MDGA2: variants seen among roughly 807,000 people sequenced by gnomAD.
The protein encoded by MDGA2 is MAM domain-containing glycosylphosphatidylinositol anchor protein 2.
MDGA2 carries 40 observed loss-of-function variants against 117.8 expected under a neutral mutation model. The observed-to-expected ratio is 0.34, with a 90% CI of 0.26 to 0.44. The LOEUF (loss-of-function observed/expected upper bound fraction) is 0.44, where lower values mean the gene tolerates loss of function less well. Among genes scored for constraint, MDGA2 ranks in the 20% least tolerant of loss-of-function variants. The pLI is 1.00. For synonymous variants in MDGA2, 452 were observed against 439.0 expected (o/e 1.03, Z -0.37); for missense variants, 1,123 against 1,250.6 (o/e 0.90, Z 1.54).
At chr14:47,039,469 TC>T (rs1888984132) in intron 7 of MDGA2, among the ~76,000 whole-genome samples, 2 of 152,214 alleles carry the variant, frequency 1.3e-5, no homozygotes, top group Admixed American at 1.3e-4. Flanking sequence ...GTAGAAGTCA[TC>T]ATTTTATCTT....
At chr14:47,456,980 G>T (rs555574292) in intron 1 of MDGA2, among the ~76,000 whole-genome samples, 1 of 151,890 alleles carries the variant, frequency 6.6e-6, no homozygotes, top group African/African-American at 2.4e-5. Flanking sequence ...AGTATAATAA[G>T]ATCTTTAGAA....
At chr14:46,933,833 T>C (rs1884676278) in intron 9 of MDGA2, among the ~76,000 whole-genome samples, 1 of 65,940 alleles carries the variant, frequency 1.5e-5, no homozygotes, top group South Asian at 8.2e-4. Flanking sequence ...TATATATATA[T>C]ATATATATAT....
At chr14:47,625,238 C>G (rs919106581) in intron 1 of MDGA2, among the ~76,000 whole-genome samples, 4 of 151,654 alleles carry the variant, frequency 2.6e-5, no homozygotes, top group African/African-American at 9.7e-5. Context: ...AAAAGTTGGT[C>G]AAACTTCTTA....
chr14:47,150,477 G>A (rs887913607), intron 3 of MDGA2, among the ~76,000 whole-genome samples: 4 of 152,100 alleles, frequency 2.6e-5, no homozygotes, highest in Non-Finnish European at 4.4e-5. Flanking sequence ...AAGGAACCCA[G>A]CAGAACCTGA....
rs545113177 is a variant in MDGA2 at position 47,146,477 on chromosome 14, C to T, written c.596-2203G>A. ...AAGTTCGGATATTTAGGGATACCAG[C>T]ATCATTATCATAAAATGTTTTGAGA... On this transcript the variant is annotated intron_variant, in intron 3 of 16. Coordinates refer to ENST00000399232, the MANE Select transcript of MDGA2 (RefSeq NM_001113498.3). 2.0e-5 allele frequency among the ~76,000 whole-genome samples: 3 copies of T among 152,250 alleles called. No homozygotes were observed. In the South Asian group the frequency reaches 6.2e-4, roughly 32 times the overall value.
At chr14:47,059,350 A>AAT in intron 7 of MDGA2, 1 of 1,261,262 alleles carries the variant, frequency 7.9e-7, no homozygotes, top group Non-Finnish European at 1.0e-6. Flanking sequence ...GGAAGAAGTC[A>AAT]ATATATTTCT....
intron 1 of MDGA2, among the ~76,000 whole-genome samples, chr14:47,537,264 C>T (rs911686970): frequency 7.6e-6 from 1 of 131,998 alleles, no homozygotes; most frequent in Non-Finnish European, 1.5e-5. Flanking sequence ...AATGAGAACA[C>T]ATGGACACAG....
chr14:47,225,562 A>G (rs1453225574), intron 2 of MDGA2, among the ~76,000 whole-genome samples: 1 of 150,690 alleles, frequency 6.6e-6, no homozygotes, highest in African/African-American at 2.5e-5. Flanking sequence ...ATCGCCAAGG[A>G]CAAAAAACCA....
At chr14:47,583,277 CCTGT>C (rs1896262947) in intron 1 of MDGA2, among the ~76,000 whole-genome samples, 2 of 151,912 alleles carry the variant, frequency 1.3e-5, no homozygotes, top group Admixed American at 1.3e-4. Flanking sequence ...TCAGGAAGGA[CCTGT>C]CTATCAGGAG....
intron 8 of MDGA2, among the ~76,000 whole-genome samples, chr14:47,023,655 G>C (rs1888372640): frequency 6.6e-6 from 1 of 152,162 alleles, no homozygotes; most frequent in Non-Finnish European, 1.5e-5. Context: ...CTTGATAATA[G>C]AGAGGAGAGG....
intron 1 of MDGA2, chr14:47,343,375 A>C: frequency 1.9e-6 from 1 of 529,416 alleles, no homozygotes; most frequent in Non-Finnish European, 2.4e-6. Context: ...AGTGGTGTGA[A>C]AAGCCTAACT....
At chr14:47,410,731 T>C (rs1057240961) in intron 1 of MDGA2, among the ~76,000 whole-genome samples, 1 of 152,166 alleles carries the variant, frequency 6.6e-6, no homozygotes, top group African/African-American at 2.4e-5. Context: ...TCTATGTAAA[T>C]CAGCCTATTG....
At position 46,977,973 on chromosome 14, in the gene MDGA2, T is replaced by A. The variant is rs1305327646; in HGVS notation, c.1820-20330A>T. The stretch of plus-strand genomic sequence containing the variant: ...CTCCAAAAATGAGAGTGAGTAGAGG[T>A]TGTTTTCTTTCCAGTTTTTGCTTAT... On this transcript the variant is annotated intron_variant, in intron 8 of 16. Transcript: ENST00000399232. Among the ~76,000 whole-genome samples the A allele has an allele frequency of 2.6e-5, 4 of 151,768 alleles. No homozygotes were observed. In the East Asian group the frequency reaches 7.7e-4, roughly 29 times the overall value.
chr14:47,345,954 A>G (rs1317017259), intron 1 of MDGA2, among the ~76,000 whole-genome samples: 1 of 152,042 alleles, frequency 6.6e-6, no homozygotes, highest in Non-Finnish European at 1.5e-5. Context: ...GAAGGGAGGA[A>G]TGCAGAGAGA....
intron 4 of MDGA2, among the ~76,000 whole-genome samples, chr14:47,140,485 G>A (rs1882670468): frequency 6.6e-6 from 1 of 151,924 alleles, no homozygotes; most frequent in African/African-American, 2.4e-5. Flanking sequence ...AATAGACATA[G>A]AGACCAATGG....
At chr14:47,112,009 C>T (rs1386027084) in intron 5 of MDGA2, among the ~76,000 whole-genome samples, 1 of 152,120 alleles carries the variant, frequency 6.6e-6, no homozygotes, top group African/African-American at 2.4e-5. Flanking sequence ...CATGCTCTTA[C>T]TGTCTGCCCA....
intron 10 of MDGA2, among the ~76,000 whole-genome samples, chr14:46,900,309 T>C (rs1235727436): frequency 2.0e-5 from 3 of 152,128 alleles, no homozygotes; most frequent in Non-Finnish European, 4.4e-5. Context: ...CAGTTTCTTT[T>C]AAAACTAAAG....
intron 1 of MDGA2, among the ~76,000 whole-genome samples, chr14:47,598,394 T>A (rs1255162586): frequency 6.6e-6 from 1 of 152,186 alleles, no homozygotes; most frequent in Non-Finnish European, 1.5e-5. Context: ...AGCTGCATTA[T>A]TCACAATAGC....
intron 8 of MDGA2, among the ~76,000 whole-genome samples, chr14:46,961,358 T>G (rs1020721159): frequency 8.5e-5 from 13 of 152,186 alleles, no homozygotes; most frequent in African/African-American, 2.9e-4. Flanking sequence ...CTGCTTTTGA[T>G]GTCTTTTAAC....
Sources: allele counts gnomAD v4.1 joint callset (sites outside exome capture counted in the v4.1 genomes callset), GRCh38; gene constraint gnomAD v4.1.1; transcripts MANE v1.5; gene names NCBI Gene and HGNC (gene_info 2026-07-23, HGNC 2026-07-21).